Variants in PPFIA2 observed in about 807,000 individuals in gnomAD.
The protein encoded by PPFIA2 is liprin-alpha-2.
A neutral mutation model predicts 175.5 loss-of-function variants in PPFIA2; 46 were observed. The ratio of observed to expected loss-of-function variants is 0.26; its 90% CI spans 0.21 to 0.34. The LOEUF is 0.34. Ranked by LOEUF, PPFIA2 falls within the 10% of genes least tolerant of loss-of-function variation. The pLI, the probability that PPFIA2 is intolerant of heterozygous loss-of-function variation, is 1.00. For missense variants in PPFIA2, 1,179 were observed against 1,506.1 expected (o/e 0.78, Z 3.60); for synonymous variants, 568 against 511.4 (o/e 1.11, Z -1.49).
intron 3 of PPFIA2, among the ~76,000 whole-genome samples, chr12:81,695,808 T>G (rs931532184): frequency 6.6e-6 from 1 of 152,196 alleles, no homozygotes; most frequent in Non-Finnish European, 1.5e-5. Flanking sequence ...TGGCTTCTTC[T>G]GAATGTTTTT....
intron 22 of PPFIA2, among the ~76,000 whole-genome samples, chr12:81,320,905 G>T (rs895495897): frequency 3.9e-5 from 6 of 152,024 alleles, no homozygotes; most frequent in Non-Finnish European, 8.8e-5. Context: ...AGAAATGTGA[G>T]TCCTCTAGAG....
intron 4 of PPFIA2, among the ~76,000 whole-genome samples, chr12:81,494,167 T>C (rs1220124306): frequency 1.3e-5 from 2 of 151,700 alleles, no homozygotes; most frequent in African/African-American, 2.4e-5. Context: ...ACCTACAAAA[T>C]GGGAAAAAAT....
chr12:81,503,995 A>G (rs1474641800), intron 4 of PPFIA2, among the ~76,000 whole-genome samples: 2 of 152,104 alleles, frequency 1.3e-5, no homozygotes, highest in East Asian at 1.9e-4. Context: ...TATATTTAAA[A>G]TAAGATGATT....
intron 4 of PPFIA2, among the ~76,000 whole-genome samples, chr12:81,613,846 T>C (rs2061176886): frequency 6.6e-6 from 1 of 152,150 alleles, no homozygotes; most frequent in Non-Finnish European, 1.5e-5. Flanking sequence ...TGCATTTTAA[T>C]ATTAATTATC....
chr12:81,399,680 A>C (rs1414599510), intron 8 of PPFIA2, among the ~76,000 whole-genome samples: 1 of 152,092 alleles, frequency 6.6e-6, no homozygotes, highest in African/African-American at 2.4e-5. Context: ...CAGCCCATGT[A>C]TATCTTTAGA....
At chr12:81,313,572 G>A (rs2139235600) in intron 22 of PPFIA2, among the ~76,000 whole-genome samples, 1 of 152,146 alleles carries the variant, frequency 6.6e-6, no homozygotes, top group South Asian at 2.1e-4. Context: ...ACTGTCCCAA[G>A]AAATTTATCA....
At chr12:81,362,852 T>A in intron 14 of PPFIA2, 68 bp from the exon 15 acceptor site, 1 of 949,074 alleles carries the variant, frequency 1.1e-6, no homozygotes, top group Non-Finnish European at 1.6e-6. Context: ...AAATGAGTCT[T>A]AATGATTTTT....
intron 22 of PPFIA2, among the ~76,000 whole-genome samples, chr12:81,305,619 C>T (rs1015928898): frequency 6.6e-6 from 1 of 152,114 alleles, no homozygotes; most frequent in Non-Finnish European, 1.5e-5. Flanking sequence ...TCATACCATT[C>T]AAATTTTCTC....
At chr12:81,751,311 C>T (rs967228670) in intron 3 of PPFIA2, among the ~76,000 whole-genome samples, 1 of 151,844 alleles carries the variant, frequency 6.6e-6, no homozygotes, top group African/African-American at 2.4e-5. Context: ...TCTACAATTC[C>T]AAAATCCATA....
At chr12:81,521,805 G>A (rs2063178414) in intron 4 of PPFIA2, among the ~76,000 whole-genome samples, 1 of 148,250 alleles carries the variant, frequency 6.7e-6, no homozygotes, top group Non-Finnish European at 1.5e-5. Context: ...GGGCGACAGA[G>A]CAACTCCATC....
At chr12:81,439,920 T>A in intron 7 of PPFIA2, 52 bp downstream of exon 7, 1 of 1,367,190 alleles carries the variant, frequency 7.3e-7, no homozygotes, top group Admixed American at 1.9e-5. Context: ...ACACAAGGGA[T>A]GTAATGTCAG....
intron 5 of PPFIA2, among the ~76,000 whole-genome samples, chr12:81,453,503 G>A (rs1349287963): frequency 6.6e-6 from 1 of 151,866 alleles, no homozygotes; most frequent in Non-Finnish European, 1.5e-5. Context: ...ATAACCTTCT[G>A]TAAATATATA....
Position 81,405,855 on chromosome 12 carries a change from A to G in PPFIA2, c.694T>C (p.Ser232Pro). ...QNVHIQRKMA[S>P]SEGSTESEHL... Reference sequence around the variant, plus strand: ...TCTGACTCTGTGGATCCCTCGCTTGATGCCATTTTTCTTTGTATATGAACA... The same window carrying G: ...TCTGACTCTGTGGATCCCTCGCTTGGTGCCATTTTTCTTTGTATATGAACA... The change falls in exon 8 of 33, where the codon TCA becomes CCA. Residue 232 changes from serine (S) to proline (P), a missense_variant. Ser to Pro is a moderately conservative substitution (Grantham distance 74, BLOSUM62 -1). Coordinates refer to ENST00000549396, the MANE Select transcript of PPFIA2 (RefSeq NM_003625.5). 6.3e-7 allele frequency: 1 copy of G among 1,580,366 alleles called. No homozygotes were observed.
intron 17 of PPFIA2, among the ~76,000 whole-genome samples, chr12:81,348,667 CAG>C (rs1359846758): frequency 6.6e-6 from 1 of 152,034 alleles, no homozygotes; most frequent in Non-Finnish European, 1.5e-5. Context: ...ACCCGGGAGG[CAG>C]AGTTTGCAGT....
At chr12:81,301,885 C>T (rs1390716792) in intron 22 of PPFIA2, among the ~76,000 whole-genome samples, 1 of 152,106 alleles carries the variant, frequency 6.6e-6, no homozygotes, top group Non-Finnish European at 1.5e-5. Context: ...TTTCTTATCC[C>T]CATTGTTTGC....
intron 22 of PPFIA2, among the ~76,000 whole-genome samples, chr12:81,314,930 C>T (rs2051939265): frequency 2.0e-5 from 3 of 151,280 alleles, no homozygotes; most frequent in Admixed American, 6.6e-5. Context: ...AAAAAAAAGA[C>T]AGGAGCAGAA....
intron 26 of PPFIA2, 107 bp downstream of exon 26, chr12:81,282,903 G>A (rs2042398682): frequency 1.1e-6 from 1 of 917,086 alleles, no homozygotes. Context: ...GCCTAATATT[G>A]AGCTAAGTGA....
At chr12:81,364,516 T>C (rs766047356) in intron 14 of PPFIA2, among the ~76,000 whole-genome samples, 4 of 151,768 alleles carry the variant, frequency 2.6e-5, no homozygotes, top group Non-Finnish European at 5.9e-5. Flanking sequence ...TCCAAGTAGT[T>C]AGGAGGACTA....
chr12:81,291,160 T>C (rs1014002250), intron 24 of PPFIA2, among the ~76,000 whole-genome samples: 32 of 151,980 alleles, frequency 2.1e-4, no homozygotes, highest in Admixed American at 6.6e-5. Context: ...CTAAAATCAG[T>C]ATTTTTTAAT....
Sources: allele counts gnomAD v4.1 joint callset (sites outside exome capture counted in the v4.1 genomes callset), GRCh38; gene constraint gnomAD v4.1.1; transcripts MANE v1.5; gene names NCBI Gene and HGNC (gene_info 2026-07-23, HGNC 2026-07-21).